Variants in RPL31 observed in about 807,000 individuals in gnomAD.
RPL31 encodes the protein ribosomal protein L31.
For synonymous variants in RPL31, 51 were observed against 55.0 expected, an observed-to-expected ratio of 0.93 and a Z score of 0.32; for missense variants, 95 against 164.0, an observed-to-expected ratio of 0.58 and a Z score of 2.30.
At chr2:101,014,501 T>A (rs955597691) in intron 4 of RPL31, among the ~76,000 whole-genome samples, 4 of 152,238 alleles carry the variant, frequency 2.6e-5, no homozygotes, top group African/African-American at 9.6e-5. Flanking sequence ...CTTTTCAAAG[T>A]CATTGTCTCC....
chr2:101,010,813 T>C (rs1429718481), downstream of RPL31: 8 of 759,330 alleles, frequency 1.1e-5, no homozygotes, highest in Non-Finnish European at 1.5e-5. Context: ...ACCCTGGAGG[T>C]GGAGGTTGCA....
intron 3 of RPL31, chr2:101,004,829 C>T (rs1179965186): frequency 1.3e-5 from 2 of 152,968 alleles, no homozygotes; most frequent in African/African-American, 4.8e-5. Flanking sequence ...GATGTTAGTT[C>T]TCATGTTGGG....
intron 4 of RPL31, chr2:101,018,922 C>T: frequency 1.3e-6 from 2 of 1,561,890 alleles, no homozygotes. Context: ...CTGTTGATGT[C>T]CTAATCTTCT....
downstream of RPL31, chr2:101,008,118 C>G (rs759825483): frequency 6.2e-7 from 1 of 1,613,902 alleles, no homozygotes; most frequent in Non-Finnish European, 8.5e-7. Context: ...CCCCACACTC[C>G]TGGGAGCAGC....
In RPL31 at chr2:101,006,515, C is replaced by T. The variant is rs1317845821; in HGVS notation, c.*134C>T. The T allele has an allele frequency of 7.3e-6, 6 of 821,794 alleles. No homozygotes were observed. The East Asian group carries it at 8.6e-5, about 12-fold the overall frequency. The allele number at this position is 821,794 out of a possible 1,614,324, so 50.9% of individuals were successfully genotyped here. A position where few individuals can be genotyped will look rare whatever the true frequency, so the allele number is the denominator to read the frequency against. The stretch of plus-strand genomic sequence containing the variant: ...GAAGAGCTTTTCCCAAATTGATGGC[C>T]TGTGCTGCCTTCTCCCCATCCCCTG... On this transcript the variant is annotated 3_prime_UTR_variant, in exon 5 of 5. Transcript: ENST00000264258.
intron 2 of RPL31, 73 bp downstream of exon 2, chr2:101,002,881 C>A: frequency 9.2e-7 from 1 of 1,082,062 alleles, no homozygotes; most frequent in Non-Finnish European, 1.4e-6. Flanking sequence ...TGCCGAATCA[C>A]CTCCACCCCA....
chr2:101,005,943 A>G lies in RPL31; in HGVS notation c.234-16A>G, dbSNP rs201840766. The G allele has an allele frequency of 6.3e-5, 102 of 1,608,438 alleles. No homozygotes were observed. In the African/African-American group the frequency reaches 1.3e-3, roughly 21 times the overall value. The stretch of plus-strand genomic sequence containing the variant: ...AGGAGGCATTGACTTCAGCAACACA[A>G]TTATGTTTTTATTAGGAATGTGCCA... On this transcript the variant is annotated splice_polypyrimidine_tract_variant and intron_variant, in intron 3 of 4. Transcript: ENST00000264258.
chr2:101,011,593 C>T (rs1018959915), downstream of RPL31: 35 of 1,588,426 alleles, frequency 2.2e-5, no homozygotes, highest in African/African-American at 4.6e-4. Flanking sequence ...CTTACCAAAA[C>T]TGACAGTAAT....
intron 4 of RPL31, chr2:101,017,833 A>C (rs900145158): frequency 6.5e-7 from 1 of 1,550,324 alleles, no homozygotes; most frequent in Admixed American, 2.0e-5. Flanking sequence ...CTAACAGTGA[A>C]GCAGCTACAT....
In RPL31 at chr2:101,004,219, A is replaced by G; in HGVS notation, c.169A>G (p.Met57Val). ...GATTCGGAAATTTGCCATGAAGGAG[A>G]TGGGAACTCCAGATGTGCGCATTGA... ...KEIRKFAMKE[M>V]GTPDVRIDTR... Residue 57 changes from methionine (M) to valine (V), a missense_variant, in exon 3 of 5, where the codon ATG becomes GTG. Physicochemically the swap from Met to Val is conservative, Grantham distance 21 (BLOSUM62 1). Transcript: ENST00000264258. The G allele has an allele frequency of 6.2e-7, 1 of 1,614,020 alleles. No individual in the cohort carries two copies.
chr2:101,008,052 C>A, downstream of RPL31: 1 of 1,613,940 alleles, frequency 6.2e-7, no homozygotes, highest in South Asian at 1.1e-5. Flanking sequence ...GGGGCGTCTT[C>A]CCAGTGTCTG....
intron 4 of RPL31, among the ~76,000 whole-genome samples, chr2:101,015,615 A>G (rs147986794): frequency 7.0e-4 from 106 of 152,364 alleles, no homozygotes; most frequent in African/African-American, 2.5e-3. Context: ...GTTAAAAACC[A>G]AGACACCTAA....
In RPL31 at chr2:101,006,739, A is replaced by ACTAT. The variant is rs143628717; in HGVS notation, c.*373_*376dup. ...TTAGGAAACAACTTTAAAATGATATACTATCTATCTATCTATCTGTAGCAT... is the reference window on the plus strand; with the variant it reads ...TTAGGAAACAACTTTAAAATGATATACTATCTATCTATCTATCTATCTGTAGCAT... On this transcript the variant is annotated 3_prime_UTR_variant, in exon 5 of 5. Coordinates refer to ENST00000264258, the MANE Select transcript of RPL31 (RefSeq NM_000993.5). 4,741 of 218,818 alleles carry ACTAT rather than the reference A, an allele frequency of 0.022. 249 individuals carry two copies. The highest frequency in any genetic ancestry group is 0.1 in the African/African-American group (4,407 of 43,292). 13.6% of individuals were successfully genotyped at this position (218,818 alleles called of 1,614,324 possible).
intron 2 of RPL31, 152 bp from the exon 3 acceptor site, chr2:101,004,006 G>A: frequency 1.3e-6 from 1 of 777,474 alleles, no homozygotes; most frequent in Non-Finnish European, 2.0e-6. Context: ...AAGCACACTG[G>A]CCTACTGTAT....
downstream of RPL31, chr2:101,007,784 A>G (rs1376715057): frequency 1.9e-6 from 3 of 1,588,508 alleles, no homozygotes; most frequent in African/African-American, 2.7e-5. Flanking sequence ...GTGCTTTGGT[A>G]TGGTGGACTC....
At chr2:101,010,848 C>CG, downstream of RPL31, 2 of 1,245,560 alleles carry the variant, frequency 1.6e-6, no homozygotes, top group East Asian at 4.7e-5. Flanking sequence ...CGCCACTGTA[C>CG]TCCAGCCTGG....
chr2:101,006,154 T>C, intron 4 of RPL31, 83 bp downstream of exon 4: 2 of 1,556,000 alleles, frequency 1.3e-6, no homozygotes, highest in Non-Finnish European at 1.7e-6. Flanking sequence ...TCTGTTAAGC[T>C]AGGGGTGACA....
downstream of RPL31, among the ~76,000 whole-genome samples, chr2:101,012,058 G>T (rs1400934197): frequency 6.6e-6 from 1 of 152,170 alleles, no homozygotes; most frequent in East Asian, 1.9e-4. Context: ...TTAGTATTAG[G>T]AGTGTTCTTA....
downstream of RPL31, chr2:101,010,935 C>G: frequency 6.2e-7 from 1 of 1,611,056 alleles, no homozygotes; most frequent in Non-Finnish European, 8.5e-7. Flanking sequence ...ATACCTGGCT[C>G]ATTTTGGGCA....
Sources: gnomAD v4.1 joint callset for allele counts (sites outside exome capture counted in the v4.1 genomes callset) on GRCh38, gnomAD v4.1.1 for gene constraint, MANE v1.5 for transcripts, NCBI Gene and HGNC (gene_info 2026-07-23, HGNC 2026-07-21) for gene names.